PTH2R: variants seen among roughly 807,000 people sequenced by gnomAD.
PTH2R encodes the protein parathyroid hormone 2 receptor.
In PTH2R, 59 loss-of-function variants were observed where a neutral mutation model predicts 60.3. The ratio of observed to expected loss-of-function variants is 0.98; its 90% confidence interval spans 0.79 to 1.22. The LOEUF is 1.22. Ranked by LOEUF, PTH2R falls within the 50% of genes most tolerant of loss-of-function variation. The pLI, the probability that PTH2R is intolerant of heterozygous loss-of-function variation, is 0.00. For missense variants in PTH2R, 749 were observed against 682.6 expected (o/e 1.10, Z -1.08); for synonymous variants, 256 against 243.8 (o/e 1.05, Z -0.47).
At chr2:208,452,857 G>C (rs74781747) in intron 8 of PTH2R, among the ~76,000 whole-genome samples, 7 of 152,224 alleles carry the variant, frequency 4.6e-5, no homozygotes, top group Admixed American at 3.9e-4. Flanking sequence ...GCACAGCCAC[G>C]AATGGTAGAA....
chr2:208,444,936 T>C, intron 7 of PTH2R, 49 bp downstream of exon 7: 2 of 1,558,874 alleles, frequency 1.3e-6, no homozygotes, highest in Non-Finnish European at 1.7e-6. Context: ...ATGCATTTGA[T>C]GACATTCTGT....
intron 1 of PTH2R, among the ~76,000 whole-genome samples, chr2:208,373,280 A>G (rs1173866548): frequency 1.3e-5 from 2 of 152,060 alleles, no homozygotes; most frequent in Non-Finnish European, 2.9e-5. Context: ...GTTTTCACCT[A>G]TTGAAAGAAT....
At chr2:208,468,648 G>A (rs1702809990) in intron 9 of PTH2R, among the ~76,000 whole-genome samples, 1 of 152,110 alleles carries the variant, frequency 6.6e-6, no homozygotes, top group Non-Finnish European at 1.5e-5. Flanking sequence ...TTCCTTCTGT[G>A]CCTCATTTGA....
intron 1 of PTH2R, among the ~76,000 whole-genome samples, chr2:208,413,165 A>G (rs1701575036): frequency 6.6e-6 from 1 of 152,028 alleles, no homozygotes; most frequent in Non-Finnish European, 1.5e-5. Context: ...ACACACACAC[A>G]CACACAGAAT....
chr2:208,459,882 T>A lies in PTH2R; in HGVS notation c.915-13T>A, dbSNP rs755583709. Reference sequence around the variant, plus strand: ...GCCAATTTATTCATGACAGCTTTTTTTCAATGTCTCAGGTGCTGGGAACTT... The same window carrying A: ...GCCAATTTATTCATGACAGCTTTTTATCAATGTCTCAGGTGCTGGGAACTT... On this transcript the variant is annotated splice_polypyrimidine_tract_variant and intron_variant, in intron 8 of 12. Transcript: ENST00000272847. The A allele has an allele frequency of 1.9e-6, 3 of 1,611,472 alleles. No individual in the cohort carries two copies. Among genetic ancestry groups the A allele is most frequent in the Non-Finnish European group, 2.5e-6 (3 of 1,178,700 alleles).
intron 1 of PTH2R, among the ~76,000 whole-genome samples, chr2:208,391,458 A>G (rs1574832031): frequency 6.6e-6 from 1 of 152,140 alleles, no homozygotes; most frequent in African/African-American, 2.4e-5. Flanking sequence ...TTCCAGGGCC[A>G]TCCCCTTTCT....
intron 9 of PTH2R, among the ~76,000 whole-genome samples, chr2:208,463,791 T>A (rs1377012511): frequency 6.6e-6 from 1 of 152,236 alleles, no homozygotes; most frequent in African/African-American, 2.4e-5. Context: ...TTCTACCTTG[T>A]ATATCAGGAA....
At chr2:208,490,154 C>G (rs1453594720) in intron 11 of PTH2R, among the ~76,000 whole-genome samples, 1 of 152,114 alleles carries the variant, frequency 6.6e-6, no homozygotes, top group Non-Finnish European at 1.5e-5. Context: ...GGGAACTTGT[C>G]TGTTTTGTTT....
rs535142711 is a variant in PTH2R, at chr2:208,428,862, A to G, written c.178+559A>G. Among the ~76,000 whole-genome samples, 58 of 152,314 alleles carry G rather than the reference A, an allele frequency of 3.8e-4. No homozygotes were observed. In the South Asian group the frequency reaches 0.012, roughly 30 times the overall value. ...CACTTTGGGAGGCCGAGGTGGGCGG[A>G]TCACCTGAGGTCGGGAGCTCCAGAC... On this transcript the variant is annotated intron_variant, in intron 2 of 12. Coordinates refer to ENST00000272847, the MANE Select transcript of PTH2R (RefSeq NM_005048.4).
At chr2:208,432,342 G>C (rs1701990006) in intron 2 of PTH2R, among the ~76,000 whole-genome samples, 1 of 152,164 alleles carries the variant, frequency 6.6e-6, no homozygotes, top group South Asian at 2.1e-4. Flanking sequence ...CATCTTTCAG[G>C]ATGGTGTATA....
intron 2 of PTH2R, among the ~76,000 whole-genome samples, chr2:208,437,183 A>T (rs1253918883): frequency 6.6e-6 from 1 of 152,236 alleles, no homozygotes; most frequent in Non-Finnish European, 1.5e-5. Context: ...TAGTGTAAAA[A>T]TGTAGTTACA....
chr2:208,469,438 G>A (rs1426259764), intron 9 of PTH2R, among the ~76,000 whole-genome samples: 1 of 152,050 alleles, frequency 6.6e-6, no homozygotes, highest in African/African-American at 2.4e-5. Flanking sequence ...ATAAATTATG[G>A]TCAGAATTTC....
chr2:208,420,655 G>A (rs114158459), intron 1 of PTH2R, among the ~76,000 whole-genome samples: 2,999 of 152,236 alleles, frequency 0.02, 106 homozygotes, highest in African/African-American at 0.067. Flanking sequence ...AGATTCACAT[G>A]CAGTGTAAGA....
At chr2:208,433,156 T>C (rs1702006499) in intron 2 of PTH2R, among the ~76,000 whole-genome samples, 1 of 152,182 alleles carries the variant, frequency 6.6e-6, no homozygotes, top group Non-Finnish European at 1.5e-5. Flanking sequence ...GTAGTAAACT[T>C]AGGTCACATC....
At chr2:208,452,909 GA>G (rs1702434386) in intron 8 of PTH2R, among the ~76,000 whole-genome samples, 1 of 152,198 alleles carries the variant, frequency 6.6e-6, no homozygotes, top group Non-Finnish European at 1.5e-5. Flanking sequence ...GAGGCATTCA[GA>G]AAACACTTAC....
intron 2 of PTH2R, among the ~76,000 whole-genome samples, chr2:208,431,756 C>A (rs1370826779): frequency 6.6e-6 from 1 of 152,186 alleles, no homozygotes; most frequent in African/African-American, 2.4e-5. Context: ...AATTTCTCCA[C>A]CCCATCAGGC....
chr2:208,490,710 C>T (rs201738813), intron 12 of PTH2R, 30 bp downstream of exon 12: 76 of 1,579,706 alleles, frequency 4.8e-5, no homozygotes, highest in Middle Eastern at 1.7e-4. Flanking sequence ...GGACAGGTCT[C>T]GCTTCAGCTT....
intron 1 of PTH2R, among the ~76,000 whole-genome samples, chr2:208,384,227 G>A (rs1488486766): frequency 6.6e-6 from 1 of 152,194 alleles, no homozygotes; most frequent in Non-Finnish European, 1.5e-5. Flanking sequence ...GGATTGGTGA[G>A]GGTTTGGATT....
chr2:208,421,365 G>GT (rs1559214820), intron 1 of PTH2R, among the ~76,000 whole-genome samples: 130 of 148,046 alleles, frequency 8.8e-4, no homozygotes, highest in African/African-American at 2.9e-3. Flanking sequence ...TCATATTGGG[G>GT]GTGTGTGTGT....
Sources: allele counts gnomAD v4.1 joint callset (sites outside exome capture counted in the v4.1 genomes callset), GRCh38; gene constraint gnomAD v4.1.1; transcripts MANE v1.5; gene names NCBI Gene and HGNC (gene_info 2026-07-23, HGNC 2026-07-21).